Variants in LPIN2 observed in about 807,000 individuals in gnomAD.
LPIN2 encodes lipin 2, also known as phosphatidate phosphatase LPIN2.
LPIN2 carries 55 observed loss-of-function variants against 111.4 expected under a neutral mutation model. The observed-to-expected ratio is 0.49, with a 90% CI of 0.40 to 0.62. LPIN2 has a LOEUF of 0.62. LPIN2 is among the 20% of genes least tolerant of loss of function. The pLI is 0.00. For synonymous variants in LPIN2, 425 were observed against 414.0 expected, an observed-to-expected ratio of 1.03 and a Z score of -0.32; for missense variants, 992 against 1,112.1, an observed-to-expected ratio of 0.89 and a Z score of 1.54.
chr18:2,988,925 C>G (rs570565631), intron 1 of LPIN2, among the ~76,000 whole-genome samples: 55 of 152,264 alleles, frequency 3.6e-4, no homozygotes, highest in Non-Finnish European at 6.6e-4. Flanking sequence ...TCAGCCTTTG[C>G]AACAAATTAA....
At chr18:2,980,146 T>C (rs2078085532) in intron 1 of LPIN2, among the ~76,000 whole-genome samples, 2 of 152,140 alleles carry the variant, frequency 1.3e-5, no homozygotes, top group African/African-American at 4.8e-5. Flanking sequence ...AATGTTTGTC[T>C]CAAAAATTTT....
At chr18:2,953,930 G>C (rs2077574674) in intron 3 of LPIN2, among the ~76,000 whole-genome samples, 1 of 152,226 alleles carries the variant, frequency 6.6e-6, no homozygotes, top group African/African-American at 2.4e-5. Flanking sequence ...GAATGTGTGT[G>C]CTGGGGAGGG....
rs1432598054 is a variant in LPIN2, at chr18:2,978,346, T to G, written c.-9-17497A>C. On this transcript the variant is annotated intron_variant, in intron 1 of 19. Coordinates refer to ENST00000677752, the MANE Select transcript of LPIN2 (RefSeq NM_001375808.2). Reference sequence around the variant, plus strand: ...CCTGGAAGACACCACCATAATCAAGTGATCGGGAAAACTTAAGACACACTG... The same window carrying G: ...CCTGGAAGACACCACCATAATCAAGGGATCGGGAAAACTTAAGACACACTG... 2.0e-5 allele frequency among the ~76,000 whole-genome samples: 3 copies of G among 152,120 alleles called. No individual in the cohort carries two copies. In the East Asian group the frequency reaches 5.8e-4, roughly 29 times the overall value.
chr18:2,994,222 C>A (rs2078307037), intron 1 of LPIN2, among the ~76,000 whole-genome samples: 1 of 152,202 alleles, frequency 6.6e-6, no homozygotes, highest in Admixed American at 6.5e-5. Flanking sequence ...GTATCATAAA[C>A]CCAAAATACA....
At chr18:2,946,984 G>A in intron 4 of LPIN2, 1 of 229,264 alleles carries the variant, frequency 4.4e-6, no homozygotes, top group Non-Finnish European at 8.7e-6. Flanking sequence ...TAAGATCCAT[G>A]TCACCCTGAG....
At chr18:3,009,331 G>A (rs1409414256) in intron 1 of LPIN2, among the ~76,000 whole-genome samples, 2 of 151,402 alleles carry the variant, frequency 1.3e-5, no homozygotes, top group African/African-American at 2.4e-5. Context: ...CCTGGGAGGC[G>A]GAGGTTGCAG....
At chr18:2,946,407 T>TAA (rs1568552135) in intron 4 of LPIN2, 4 of 1,472,862 alleles carry the variant, frequency 2.7e-6, no homozygotes, top group Non-Finnish European at 2.9e-6. Flanking sequence ...GTTCTTCTCT[T>TAA]ACAGCAAGAC....
chr18:2,933,622 A>G (rs1425832687), intron 8 of LPIN2, among the ~76,000 whole-genome samples: 1 of 152,260 alleles, frequency 6.6e-6, no homozygotes, highest in Non-Finnish European at 1.5e-5. Flanking sequence ...TATACTTTTC[A>G]GTAATTCATT....
intron 1 of LPIN2, among the ~76,000 whole-genome samples, chr18:2,996,621 G>A (rs1386395947): frequency 2.6e-5 from 4 of 151,250 alleles, no homozygotes; most frequent in Non-Finnish European, 5.9e-5. Flanking sequence ...GGGACTACAG[G>A]TGCCCACCAT....
chr18:2,939,018 G>A (rs959897381), intron 6 of LPIN2, among the ~76,000 whole-genome samples: 5 of 152,092 alleles, frequency 3.3e-5, no homozygotes, highest in African/African-American at 9.7e-5. Flanking sequence ...AAAATTAACT[G>A]GGTGTGGTAG....
intron 4 of LPIN2, among the ~76,000 whole-genome samples, chr18:2,943,393 T>C (rs1254299008): frequency 6.6e-6 from 1 of 151,992 alleles, no homozygotes; most frequent in East Asian, 1.9e-4. Flanking sequence ...GGAAATACCA[T>C]GGTCACTAAT....
intron 4 of LPIN2, chr18:2,950,113 A>G (rs896229530): frequency 6.6e-6 from 1 of 152,234 alleles, no homozygotes; most frequent in African/African-American, 2.4e-5. Context: ...TTAAAAAACA[A>G]AACAAAACAA....
At chr18:2,996,568 C>G (rs977536719) in intron 1 of LPIN2, among the ~76,000 whole-genome samples, 1 of 146,882 alleles carries the variant, frequency 6.8e-6, no homozygotes, top group Non-Finnish European at 1.5e-5. Flanking sequence ...AGCTCCGGCT[C>G]CCAGGTTCAT....
chr18:2,947,303 G>A (rs1212227053), intron 4 of LPIN2, among the ~76,000 whole-genome samples: 1 of 111,684 alleles, frequency 9.0e-6, no homozygotes, highest in Non-Finnish European at 2.2e-5. Context: ...AATATGCAGA[G>A]TCTCTTCCCT....
At chr18:3,011,510 C>G (rs1271935675) in intron 1 of LPIN2, among the ~76,000 whole-genome samples, 1 of 152,112 alleles carries the variant, frequency 6.6e-6, no homozygotes, top group Non-Finnish European at 1.5e-5. Flanking sequence ...CATGGTGAAA[C>G]CCCCGGTCTC....
At chr18:2,954,387 T>G (rs940302914) in intron 3 of LPIN2, 117 bp downstream of exon 3, 6 of 735,548 alleles carry the variant, frequency 8.2e-6, no homozygotes, top group African/African-American at 1.7e-5. Flanking sequence ...AAGCTTGTCT[T>G]GCCAACAACA....
intron 1 of LPIN2, among the ~76,000 whole-genome samples, chr18:2,964,786 G>C (rs925403297): frequency 5.9e-5 from 9 of 152,018 alleles, no homozygotes; most frequent in African/African-American, 2.2e-4. Context: ...AAAAATGTCA[G>C]AGAACTATTA....
At position 2,917,542 on chromosome 18, in the gene LPIN2, T is replaced by G. The variant is rs2076988330; in HGVS notation, c.*2751A>C. 1 of 152,274 alleles carries G rather than the reference T, an allele frequency of 6.6e-6. No individual in the cohort carries two copies. Among genetic ancestry groups the G allele is most frequent in the Non-Finnish European group, 1.5e-5 (1 of 68,056 alleles). 9.4% of individuals were successfully genotyped at this position (152,274 alleles called of 1,614,324 possible). The stretch of plus-strand genomic sequence containing the variant: ...CCAGTCATCCAATCTCCTTTGTCCC[T>G]CGGTTGTTCTGTGACTTTGAGCAGC... On this transcript the variant is annotated 3_prime_UTR_variant, in exon 20 of 20. Transcript: ENST00000677752.
intron 8 of LPIN2, among the ~76,000 whole-genome samples, 173 bp downstream of exon 8, chr18:2,934,178 C>G (rs762613898): frequency 1.3e-5 from 2 of 152,154 alleles, no homozygotes; most frequent in Admixed American, 6.5e-5. Context: ...TTTCAAGTCA[C>G]TATATTGAAA....
Sources: gnomAD v4.1 joint callset for allele counts (sites outside exome capture counted in the v4.1 genomes callset) on GRCh38, gnomAD v4.1.1 for gene constraint, MANE v1.5 for transcripts, NCBI Gene and HGNC (gene_info 2026-07-23, HGNC 2026-07-21) for gene names.